Variants in RBMS3 observed in about 807,000 individuals in gnomAD.
The protein encoded by RBMS3 is RNA-binding motif, single-stranded-interacting protein 3.
A neutral mutation model predicts 66.8 loss-of-function variants in RBMS3; 27 were observed. The ratio of observed to expected loss-of-function variants is 0.40; its 90% CI spans 0.30 to 0.56. RBMS3 has a LOEUF of 0.56. RBMS3 is among the 20% of genes least tolerant of loss of function. RBMS3 has a pLI of 0.40. For missense variants in RBMS3, 513 were observed against 549.5 expected, an observed-to-expected ratio of 0.93 and a Z score of 0.66; for synonymous variants, 188 against 183.0, an observed-to-expected ratio of 1.03 and a Z score of -0.22.
At chr3:29,974,943 TA>T (rs1249293160) in intron 12 of RBMS3, among the ~76,000 whole-genome samples, 2 of 143,122 alleles carry the variant, frequency 1.4e-5, no homozygotes, top group East Asian at 2.0e-4. Flanking sequence ...TATATTTATA[TA>T]TTTTATATAT....
intron 3 of RBMS3, among the ~76,000 whole-genome samples, chr3:29,502,047 G>T (rs906425871): frequency 6.6e-6 from 1 of 152,098 alleles, no homozygotes; most frequent in African/African-American, 2.4e-5. Flanking sequence ...TTTGTCTAGG[G>T]AAGGAATTTT....
intron 3 of RBMS3, among the ~76,000 whole-genome samples, chr3:29,505,920 A>G (rs1463785766): frequency 1.5e-5 from 2 of 133,006 alleles, no homozygotes; most frequent in East Asian, 4.4e-4. Context: ...TTGTATGTTG[A>G]TTTTTTATCC....
chr3:29,696,403 A>G (rs1391894730), intron 4 of RBMS3, among the ~76,000 whole-genome samples: 3 of 150,770 alleles, frequency 2.0e-5, no homozygotes, highest in Non-Finnish European at 2.9e-5. Context: ...CAAGCTAATT[A>G]AAAACGATCA....
intron 1 of RBMS3, among the ~76,000 whole-genome samples, chr3:29,301,393 C>A (rs2033661338): frequency 6.6e-6 from 1 of 151,952 alleles, no homozygotes; most frequent in South Asian, 2.1e-4. Context: ...TCGTAACTAA[C>A]AAGAATATTT....
At chr3:29,719,727 T>G (rs916233874) in intron 4 of RBMS3, among the ~76,000 whole-genome samples, 1 of 152,212 alleles carries the variant, frequency 6.6e-6, no homozygotes, top group African/African-American at 2.4e-5. Flanking sequence ...GAGATCATCC[T>G]TGGACTTTCT....
At chr3:29,983,022 C>T (rs529866526) in intron 12 of RBMS3, among the ~76,000 whole-genome samples, 20 of 152,120 alleles carry the variant, frequency 1.3e-4, no homozygotes, top group African/African-American at 4.8e-4. Context: ...AAGTGTCCCG[C>T]TATTATGGTG....
intron 5 of RBMS3, among the ~76,000 whole-genome samples, chr3:29,759,946 A>G (rs897198783): frequency 2.6e-5 from 4 of 152,080 alleles, no homozygotes; most frequent in African/African-American, 9.7e-5. Flanking sequence ...ACAGACTTTT[A>G]TTGCATTTAT....
chr3:29,355,222 A>G (rs2037148487), intron 1 of RBMS3, among the ~76,000 whole-genome samples: 1 of 152,148 alleles, frequency 6.6e-6, no homozygotes, highest in Non-Finnish European at 1.5e-5. Context: ...AATGCCTGGT[A>G]GGTAATAGGG....
At chr3:29,741,229 A>C (rs1433999152) in intron 5 of RBMS3, among the ~76,000 whole-genome samples, 1 of 152,198 alleles carries the variant, frequency 6.6e-6, no homozygotes, top group African/African-American at 2.4e-5. Context: ...GACAAATGCA[A>C]GGTACATGCT....
chr3:29,817,344 C>G (rs967879280), intron 6 of RBMS3, among the ~76,000 whole-genome samples: 30 of 152,060 alleles, frequency 2.0e-4, no homozygotes, highest in African/African-American at 7.2e-4. Flanking sequence ...ACTGGGATTA[C>G]AGGCGTCCAC....
chr3:29,412,829 T>C (rs1354745088), intron 1 of RBMS3, among the ~76,000 whole-genome samples: 7 of 152,150 alleles, frequency 4.6e-5, no homozygotes, highest in Non-Finnish European at 8.8e-5. Flanking sequence ...CTGTCTATGA[T>C]AAAGGTTTCT....
chr3:29,678,147 C>T (rs765291718), intron 4 of RBMS3, among the ~76,000 whole-genome samples: 9 of 152,154 alleles, frequency 5.9e-5, no homozygotes, highest in Non-Finnish European at 1.2e-4. Flanking sequence ...TGCTCAAGTT[C>T]TCTGCCCCAT....
chr3:29,588,599 C>T (rs1228998776), intron 4 of RBMS3, among the ~76,000 whole-genome samples: 4 of 152,026 alleles, frequency 2.6e-5, no homozygotes, highest in Admixed American at 2.6e-4. Flanking sequence ...AACTCATTGT[C>T]CTTTATGACA....
chr3:29,891,632 T>C (rs1369064980), intron 8 of RBMS3, among the ~76,000 whole-genome samples: 1 of 151,498 alleles, frequency 6.6e-6, no homozygotes, highest in Admixed American at 6.6e-5. Context: ...GCCCTTTTCA[T>C]TGGGAGTTGC....
intron 1 of RBMS3, among the ~76,000 whole-genome samples, chr3:29,295,348 TATATATATACAC>T (rs2033181683): frequency 2.1e-5 from 3 of 144,956 alleles, no homozygotes; most frequent in Non-Finnish European, 4.5e-5. Context: ...TATATATACA[TATATATATACAC>T]ACACATATAT....
In RBMS3 at chr3:29,873,495, C is replaced by A. The variant is rs146183617; in HGVS notation, c.744+4531C>A. 2.8e-3 allele frequency among the ~76,000 whole-genome samples: 431 copies of A among 152,214 alleles called. 3 individuals are homozygous for A. The highest frequency in any genetic ancestry group is 0.01 in the African/African-American group (418 of 41,542). On this transcript the variant is annotated intron_variant, in intron 7 of 14. Coordinates refer to ENST00000383767, the MANE Select transcript of RBMS3 (RefSeq NM_001003793.3). ...AGCTGAAGGAGCTTTTGGGCTGAGA[C>A]TATGGGATTTTTTTAGATGTAGAAT...
chr3:29,731,266 G>T (rs573004634), intron 4 of RBMS3, among the ~76,000 whole-genome samples: 3 of 152,294 alleles, frequency 2.0e-5, no homozygotes, highest in African/African-American at 7.2e-5. Context: ...CATTATATCC[G>T]AAATAAGTAA....
chr3:30,008,607 T>G lies in RBMS3; in HGVS notation c.*4745T>G, dbSNP rs887303510. The G allele has an allele frequency of 2.6e-5, 4 of 152,090 alleles. No homozygotes were observed. The highest frequency in any genetic ancestry group is 2.6e-4 in the Admixed American group (4 of 15,248). 9.4% of individuals were successfully genotyped at this position (152,090 alleles called of 1,614,324 possible). A position where few individuals can be genotyped will look rare whatever the true frequency, so the allele number is the denominator to read the frequency against. On this transcript the variant is annotated 3_prime_UTR_variant, in exon 15 of 15. Transcript: ENST00000383767. Reference sequence around the variant, plus strand: ...GGACTGACAGCCTCTCACTTCAATCTGAGGGATTGACAGAATTTAAACAGG... The same window carrying G: ...GGACTGACAGCCTCTCACTTCAATCGGAGGGATTGACAGAATTTAAACAGG...
chr3:29,445,176 C>T (rs949185203), intron 2 of RBMS3, among the ~76,000 whole-genome samples: 80 of 151,944 alleles, frequency 5.3e-4, no homozygotes, highest in African/African-American at 1.9e-3. Context: ...CATCATAAAA[C>T]TTGTTCTAAG....
Sources: allele counts gnomAD v4.1 joint callset (sites outside exome capture counted in the v4.1 genomes callset), GRCh38; gene constraint gnomAD v4.1.1; transcripts MANE v1.5; gene names NCBI Gene and HGNC (gene_info 2026-07-23, HGNC 2026-07-21).